The following ANKRD36C variants were observed in gnomAD, a reference collection of about 807,000 sequenced individuals.
ANKRD36C encodes ankyrin repeat domain 36C, also known as ankyrin repeat domain-containing protein 36C.
In ANKRD36C, 61 loss-of-function variants were observed where a neutral mutation model predicts 276.4. The observed-to-expected ratio is 0.22, with a 90% CI of 0.18 to 0.27. The LOEUF (loss-of-function observed/expected upper bound fraction) is 0.27. ANKRD36C is among the 10% of genes least tolerant of loss of function. ANKRD36C has a pLI of 1.00. For missense variants in ANKRD36C, 1,447 were observed against 2,032.3 expected (o/e 0.71, Z 5.54); for synonymous variants, 483 against 680.1 (o/e 0.71, Z 4.51).
At chr2:95,867,117 C>T (rs1211443441) in intron 60 of ANKRD36C, among the ~76,000 whole-genome samples, 3 of 152,104 alleles carry the variant, frequency 2.0e-5, no homozygotes, top group Non-Finnish European at 4.4e-5. Flanking sequence ...GTAGAAAAGA[C>T]AGTTAGAGGG....
At chr2:95,930,836 A>G (rs1191734884) in intron 24 of ANKRD36C, among the ~76,000 whole-genome samples, 3 of 151,538 alleles carry the variant, frequency 2.0e-5, no homozygotes, top group African/African-American at 7.3e-5. Flanking sequence ...AAAAAACAAA[A>G]AACAAAAATC....
chr2:95,853,282 G>T (rs201387496), intron 64 of ANKRD36C: 2 of 157,118 alleles, frequency 1.3e-5, no homozygotes, highest in South Asian at 3.7e-4. Context: ...AGACTAAAAA[G>T]AAGATAATTT....
chr2:95,920,600 A>G (rs1677236353), intron 34 of ANKRD36C, among the ~76,000 whole-genome samples: 1 of 132,984 alleles, frequency 7.5e-6, no homozygotes. Flanking sequence ...ATAATATATT[A>G]GCCTCAATAA....
exon 45 of ANKRD36C, chr2:95,891,840 C>G: frequency 6.4e-7 from 1 of 1,562,874 alleles, no homozygotes; most frequent in East Asian, 2.4e-5. Flanking sequence ...ACCTTCAAGC[C>G]TGATGGTTTC....
rs191181929 is a variant in ANKRD36C at position 95,922,558 on chromosome 2, A to C, written c.2144-748T>G. Among the ~76,000 whole-genome samples, 320 of 151,764 alleles carry C rather than the reference A, an allele frequency of 2.1e-3. 1 individual carries two copies. Among genetic ancestry groups the C allele is most frequent in the Middle Eastern group, 3.4e-3 (1 of 294 alleles). On this transcript the variant is annotated intron_variant, in intron 32 of 66. Transcript: ENST00000456556. ...TCTACTAAATAAAACTGCTAAAAGCATTGGATATTGATAAGCTTTTATATT... is the reference window on the plus strand; with the variant it reads ...TCTACTAAATAAAACTGCTAAAAGCCTTGGATATTGATAAGCTTTTATATT...
chr2:95,910,287 G>C (rs1296610984), intron 42 of ANKRD36C, 86 bp downstream of exon 46: 4 of 1,401,008 alleles, frequency 2.9e-6, no homozygotes, highest in Non-Finnish European at 3.8e-6. Context: ...GTGCAGCTTC[G>C]ACGAGCCACC....
At chr2:95,911,125 T>C (rs1676909103) in intron 42 of ANKRD36C, among the ~76,000 whole-genome samples, 1 of 151,534 alleles carries the variant, frequency 6.6e-6, no homozygotes, top group Non-Finnish European at 1.5e-5. Context: ...TGATACCTAG[T>C]AGATAATAAT....
chr2:95,858,222 TG>T (rs574657737), intron 61 of ANKRD36C, among the ~76,000 whole-genome samples: 1,930 of 152,168 alleles, frequency 0.013, 7 homozygotes, highest in Middle Eastern at 0.027. Flanking sequence ...TGGTCACTCA[TG>T]TTTGGCTCAG....
chr2:95,959,875 C>T (rs958220167), intron 10 of ANKRD36C, among the ~76,000 whole-genome samples: 8 of 152,170 alleles, frequency 5.3e-5, no homozygotes, highest in Admixed American at 3.3e-4. Context: ...CCAGTAGTTC[C>T]AGGAGCAGCC....
intron 40 of ANKRD36C, among the ~76,000 whole-genome samples, chr2:95,913,839 T>C (rs1677007410): frequency 6.6e-6 from 1 of 151,474 alleles, no homozygotes; most frequent in African/African-American, 2.4e-5. Flanking sequence ...AGCAAAATTA[T>C]GTTGTTCCCC....
At chr2:95,991,742 AT>A (rs904211356) in exon 1 of ANKRD36C, 5 of 1,604,992 alleles carry the variant, frequency 3.1e-6, no homozygotes, top group Non-Finnish European at 4.3e-6. Flanking sequence ...CTGCAGCCGT[AT>A]TTCAGCTCGC....
intron 34 of ANKRD36C, among the ~76,000 whole-genome samples, 195 bp from the exon 37 acceptor site, chr2:95,918,237 T>C (rs1677162399): frequency 6.6e-6 from 1 of 151,632 alleles, no homozygotes; most frequent in South Asian, 2.1e-4. Context: ...CCATCAAATA[T>C]ATCCTTACAA....
intron 61 of ANKRD36C, among the ~76,000 whole-genome samples, chr2:95,859,107 C>T (rs1345879061): frequency 6.6e-6 from 1 of 151,790 alleles, no homozygotes; most frequent in Non-Finnish European, 1.5e-5. Context: ...AATCTCTGCT[C>T]ACTGCAACCT....
At position 95,891,592 on chromosome 2, in the gene ANKRD36C, C is replaced by A. The variant is rs537898694; in HGVS notation, c.2857+73G>T. 6 of 1,485,766 alleles carry A rather than the reference C, an allele frequency of 4.0e-6. No individual in the cohort carries two copies. The East Asian group carries it at 9.9e-5, about 24-fold the overall frequency. The allele number at this position is 1,485,766 out of a possible 1,614,324, so 92.0% of individuals were successfully genotyped here. On this transcript the variant is annotated intron_variant, in intron 46 of 66. Coordinates refer to ENST00000456556, the Ensembl canonical transcript of ANKRD36C. ...ATGTGCAGCTTCAACGAACCCCCCG[C>A]TGATTTATTCAGGGAAGAGAATTTC...
intron 13 of ANKRD36C, among the ~76,000 whole-genome samples, chr2:95,955,754 T>C (rs1027967891): frequency 1.9e-4 from 29 of 152,182 alleles, no homozygotes; most frequent in Non-Finnish European, 1.8e-4. Context: ...CCAAATAATT[T>C]TCTCTCTTTG....
rs768043585 is a variant in ANKRD36C at position 95,884,388 on chromosome 2, C to A, written c.3164-20G>T. The stretch of plus-strand genomic sequence containing the variant: ...AAGACACTGAAAAGCAAAAGGGATA[C>A]ATAATCACCCACATGCACGTATGAT... On this transcript the variant is annotated intron_variant, in intron 52 of 66. Transcript: ENST00000456556. The A allele has an allele frequency of 6.2e-7, 1 of 1,610,680 alleles. No individual in the cohort carries two copies. The highest frequency in any genetic ancestry group is 1.3e-5 in the African/African-American group (1 of 74,892).
In ANKRD36C at chr2:95,919,657, C is replaced by T; in HGVS notation, c.2246-1615G>A. 5.4e-6 allele frequency: 3 copies of T among 551,586 alleles called. 1 individual carries two copies. Among genetic ancestry groups the T allele is most frequent in the Non-Finnish European group, 6.8e-6 (3 of 441,408 alleles). 34.2% of individuals were successfully genotyped at this position (551,586 alleles called of 1,614,324 possible). A position where few individuals can be genotyped will look rare whatever the true frequency, so the allele number is the denominator to read the frequency against. ...TTCGGCGACTCCCCCCACCCACCCT[C>T]CGCTGATTTATTCGGGATAGAGAAG... On this transcript the variant is annotated intron_variant, in intron 34 of 66. Coordinates refer to ENST00000456556, the Ensembl canonical transcript of ANKRD36C.
chr2:95,857,167 T>A, intron 62 of ANKRD36C, 142 bp downstream of exon 82: 1 of 1,032,202 alleles, frequency 9.7e-7, no homozygotes, highest in Non-Finnish European at 1.3e-6. Flanking sequence ...ATAATTATAG[T>A]TATAAATGCC....
At chr2:95,963,495 G>A (rs1207207133) in intron 6 of ANKRD36C, among the ~76,000 whole-genome samples, 3 of 145,952 alleles carry the variant, frequency 2.1e-5, no homozygotes, top group Non-Finnish European at 4.5e-5. Flanking sequence ...CAAAGCCAAT[G>A]TATGCACATT....
Sources: allele counts gnomAD v4.1 joint callset (sites outside exome capture counted in the v4.1 genomes callset), GRCh38; gene constraint gnomAD v4.1.1; transcripts MANE v1.5; gene names NCBI Gene and HGNC (gene_info 2026-07-23, HGNC 2026-07-21).